The following NUDCD3 variants were observed in gnomAD, a reference collection of about 807,000 sequenced individuals.
NUDCD3 encodes NudC domain containing 3, also known as nudC domain-containing protein 3.
In NUDCD3, 13 loss-of-function variants were observed where a neutral mutation model predicts 39.7. The observed-to-expected ratio is 0.33, with a 90% CI of 0.21 to 0.52. The LOEUF is 0.52. Among genes scored for constraint, NUDCD3 ranks in the 20% least tolerant of loss-of-function variants. The pLI, the probability that NUDCD3 is intolerant of heterozygous loss-of-function variation, is 0.96. For synonymous variants in NUDCD3, 175 were observed against 172.4 expected (o/e 1.02, Z -0.12); for missense variants, 453 against 458.1 (o/e 0.99, Z 0.10).
chr7:44,453,331 C>T (rs906464004), intron 2 of NUDCD3, among the ~76,000 whole-genome samples: 2 of 151,232 alleles, frequency 1.3e-5, no homozygotes, highest in Admixed American at 6.6e-5. Flanking sequence ...CCAGCCTAGG[C>T]GACAGAGTGA....
chr7:44,401,420 CTG>C (rs1203352141), intron 4 of NUDCD3, among the ~76,000 whole-genome samples: 3 of 152,200 alleles, frequency 2.0e-5, no homozygotes, highest in Non-Finnish European at 2.9e-5. Context: ...GTGATATACT[CTG>C]TGTTTACTGC....
Position 44,397,023 on chromosome 7 carries a change from T to A in NUDCD3, c.787-4538A>T, listed in dbSNP as rs558165266. Among the ~76,000 whole-genome samples the A allele has an allele frequency of 7.9e-4, 120 of 152,208 alleles. 1 individual carries two copies. The highest frequency in any genetic ancestry group is 3.1e-4 in the Non-Finnish European group (21 of 68,044). On this transcript the variant is annotated intron_variant, in intron 4 of 5. Coordinates refer to ENST00000355451, the MANE Select transcript of NUDCD3 (RefSeq NM_015332.4). ...AGGTATAGTATGCACATAGTAAAAATCACTCTTTTGAGGTCACATCTCCAT... is the reference window on the plus strand; with the variant it reads ...AGGTATAGTATGCACATAGTAAAAAACACTCTTTTGAGGTCACATCTCCAT...
In NUDCD3 at chr7:44,427,841, T is replaced by A. The variant is rs1024529551; in HGVS notation, c.510-138A>T. 7.6e-6 allele frequency: 6 copies of A among 792,484 alleles called. No individual in the cohort carries two copies. In the Admixed American group the frequency reaches 8.4e-5, roughly 11 times the overall value. 49.1% of individuals were successfully genotyped at this position (792,484 alleles called of 1,614,324 possible). Reference sequence around the variant, plus strand: ...CATCTCAAGTTCACTGGCTCTGGCATCTGCAAACTCCTCTTCTTTTCAGGT... The same window carrying A: ...CATCTCAAGTTCACTGGCTCTGGCAACTGCAAACTCCTCTTCTTTTCAGGT... On this transcript the variant is annotated intron_variant, in intron 2 of 5. Coordinates refer to ENST00000355451, the MANE Select transcript of NUDCD3 (RefSeq NM_015332.4).
chr7:44,433,002 G>A (rs1799393044), intron 2 of NUDCD3, among the ~76,000 whole-genome samples: 1 of 152,192 alleles, frequency 6.6e-6, no homozygotes, highest in Non-Finnish European at 1.5e-5. Flanking sequence ...AGGTGATTAG[G>A]TCATGAGGGT....
chr7:44,462,945 CTG>C (rs3138779), intron 2 of NUDCD3, among the ~76,000 whole-genome samples: 14,121 of 146,598 alleles, frequency 0.096, 739 homozygotes, highest in Non-Finnish European at 0.12. Flanking sequence ...CACAACCAGG[CTG>C]TGTGTGTGTG....
intron 2 of NUDCD3, among the ~76,000 whole-genome samples, chr7:44,464,505 G>A (rs1800081685): frequency 6.6e-6 from 1 of 151,620 alleles, no homozygotes; most frequent in Non-Finnish European, 1.5e-5. Context: ...GTGTCACCCA[G>A]TGCAATGGCA....
chr7:44,455,476 C>T (rs1010293009), intron 2 of NUDCD3, among the ~76,000 whole-genome samples: 1 of 152,092 alleles, frequency 6.6e-6, no homozygotes, highest in East Asian at 1.9e-4. Context: ...ACTGCTACCT[C>T]TTCCACAAGC....
chr7:44,482,320 A>G (rs1800508456), intron 2 of NUDCD3, among the ~76,000 whole-genome samples: 1 of 152,196 alleles, frequency 6.6e-6, no homozygotes, highest in South Asian at 2.1e-4. Flanking sequence ...GTCAGAATGG[A>G]AAGACCTCAC....
Position 44,414,492 on chromosome 7 carries a change from A to C in NUDCD3, c.643-9909T>G, listed in dbSNP as rs1798984476. 1.3e-5 allele frequency among the ~76,000 whole-genome samples: 2 copies of C among 152,200 alleles called. 1 individual carries two copies. Among genetic ancestry groups the C allele is most frequent in the South Asian group, 4.1e-4 (2 of 4,830 alleles). On this transcript the variant is annotated intron_variant, in intron 3 of 5. Transcript: ENST00000355451. The stretch of plus-strand genomic sequence containing the variant: ...TCTGTGCTAAAGGTGGGGACACAGC[A>C]ATACATGTTCATACTTGATTATACA...
rs200039954 is a variant in NUDCD3 at position 44,437,201 on chromosome 7, C to T, written c.510-9498G>A. Among the ~76,000 whole-genome samples the T allele has an allele frequency of 7.5e-4, 114 of 151,606 alleles. 2 individuals carry two copies. In the East Asian group the frequency reaches 0.021, roughly 28 times the overall value. ...TCTCCTGCCTCAGCCTCCCAAGTAG[C>T]TGGGATTACAGGTGTGTGCCACCAC... is the stretch of plus-strand genomic sequence containing the variant. On this transcript the variant is annotated intron_variant, in intron 2 of 5. Transcript: ENST00000355451.
chr7:44,412,593 A>G (rs537226721), intron 3 of NUDCD3, among the ~76,000 whole-genome samples: 6 of 152,368 alleles, frequency 3.9e-5, no homozygotes, highest in African/African-American at 1.4e-4. Context: ...GTCTTCTATG[A>G]AGAAAACAAA....
chr7:44,461,250 T>C (rs1315002107), intron 2 of NUDCD3, among the ~76,000 whole-genome samples: 1 of 152,226 alleles, frequency 6.6e-6, no homozygotes, highest in East Asian at 1.9e-4. Context: ...GTCTGGACCC[T>C]TCCTCTGCAT....
At chr7:44,443,055 C>G (rs369783262) in intron 2 of NUDCD3, among the ~76,000 whole-genome samples, 6 of 152,098 alleles carry the variant, frequency 3.9e-5, no homozygotes, top group Non-Finnish European at 5.9e-5. Context: ...CAAATGACAA[C>G]GTATTCACAC....
At chr7:44,400,163 C>G (rs904309215) in intron 4 of NUDCD3, among the ~76,000 whole-genome samples, 1 of 152,082 alleles carries the variant, frequency 6.6e-6, no homozygotes, top group African/African-American at 2.4e-5. Context: ...AACGAGCTAT[C>G]GGAAAAAAGA....
intron 2 of NUDCD3, among the ~76,000 whole-genome samples, chr7:44,452,138 A>C (rs1799804194): frequency 6.6e-6 from 1 of 152,226 alleles, no homozygotes; most frequent in Non-Finnish European, 1.5e-5. Flanking sequence ...GGACAAGCCA[A>C]CAGGAGTTAG....
At chr7:44,402,745 T>G (rs1018170754) in intron 4 of NUDCD3, 2 of 455,146 alleles carry the variant, frequency 4.4e-6, no homozygotes, top group Admixed American at 4.7e-5. Flanking sequence ...AAGGCCAGTG[T>G]TTTAAGGCAG....
rs115138540 is a variant in NUDCD3, at chr7:44,387,019, G to A, written c.976-898C>T. 3.6e-3 allele frequency among the ~76,000 whole-genome samples: 547 copies of A among 152,312 alleles called. 2 individuals carry two copies. The highest frequency in any genetic ancestry group is 0.013 in the African/African-American group (523 of 41,556). ...AGACAAAAGAGACTATGTAGGGCCA[G>A]TAGTTATTCTACCAATATGATCCAC... On this transcript the variant is annotated intron_variant, in intron 5 of 5. Transcript: ENST00000355451.
At chr7:44,445,357 G>A (rs534251980) in intron 2 of NUDCD3, among the ~76,000 whole-genome samples, 1 of 152,294 alleles carries the variant, frequency 6.6e-6, no homozygotes. Flanking sequence ...CATGAATCAG[G>A]GTCTTGGCAG....
chr7:44,420,862 A>G (rs1041577306), intron 3 of NUDCD3, among the ~76,000 whole-genome samples: 1 of 152,234 alleles, frequency 6.6e-6, no homozygotes, highest in African/African-American at 2.4e-5. Context: ...CTAAATATGG[A>G]AAGGAAAAAC....
Sources: gnomAD v4.1 joint callset for allele counts (sites outside exome capture counted in the v4.1 genomes callset) on GRCh38, gnomAD v4.1.1 for gene constraint, MANE v1.5 for transcripts, NCBI Gene and HGNC (gene_info 2026-07-23, HGNC 2026-07-21) for gene names.